Variants in PDGFC observed in about 807,000 individuals in gnomAD.
PDGFC encodes the protein platelet derived growth factor C.
In PDGFC, 12 loss-of-function variants were observed where a neutral mutation model predicts 35.5. The ratio of observed to expected loss-of-function variants is 0.34; its 90% confidence interval spans 0.22 to 0.55. PDGFC has a LOEUF of 0.55. Among genes scored for constraint, PDGFC ranks in the 20% least tolerant of loss-of-function variants. The pLI, the probability that PDGFC is intolerant of heterozygous loss-of-function variation, is 0.91. For missense variants in PDGFC, 322 were observed against 412.4 expected, an observed-to-expected ratio of 0.78 and a Z score of 1.90; for synonymous variants, 159 against 148.8, an observed-to-expected ratio of 1.07 and a Z score of -0.50.
chr4:156,872,697 C>T (rs933323214), intron 1 of PDGFC, among the ~76,000 whole-genome samples: 7 of 152,180 alleles, frequency 4.6e-5, no homozygotes, highest in Non-Finnish European at 1.0e-4. Flanking sequence ...GCTAATTCTG[C>T]TGAATAATCT....
At position 156,847,567 on chromosome 4, in the gene PDGFC, CAAACTGGAA is replaced by C. The variant is rs528680812; in HGVS notation, c.314+2645_314+2653del. On this transcript the variant is annotated intron_variant, in intron 2 of 5. Transcript: ENST00000502773. ...AAAGATCCTGAAACAGAAAAGGTGA[CAAACTGGAA>C]AAACTGCTGACATCCAAATAAGACC... 2.6e-3 allele frequency among the ~76,000 whole-genome samples: 392 copies of C among 151,884 alleles called. 3 individuals are homozygous for C. Among genetic ancestry groups the C allele is most frequent in the African/African-American group, 9.3e-3 (385 of 41,510 alleles).
chr4:156,962,765 G>T (rs1235556950), intron 1 of PDGFC, among the ~76,000 whole-genome samples: 1 of 152,118 alleles, frequency 6.6e-6, no homozygotes, highest in Non-Finnish European at 1.5e-5. Flanking sequence ...TGAAGCCCTG[G>T]TGTTTTTCCT....
At chr4:156,969,568 A>G (rs901940283) in intron 1 of PDGFC, among the ~76,000 whole-genome samples, 1 of 152,232 alleles carries the variant, frequency 6.6e-6, no homozygotes, top group African/African-American at 2.4e-5. Context: ...TTAAACATGA[A>G]CACTTCATAG....
chr4:156,825,712 T>C (rs1732449225), intron 2 of PDGFC, among the ~76,000 whole-genome samples: 1 of 151,512 alleles, frequency 6.6e-6, no homozygotes, highest in African/African-American at 2.4e-5. Flanking sequence ...TATAAGAAAC[T>C]TGTAGTTTAC....
chr4:156,962,184 C>A (rs147652522), intron 1 of PDGFC, among the ~76,000 whole-genome samples: 83 of 152,274 alleles, frequency 5.5e-4, no homozygotes, highest in African/African-American at 1.9e-3. Flanking sequence ...TCTAGGACAT[C>A]TTTCCACTTT....
intron 3 of PDGFC, among the ~76,000 whole-genome samples, chr4:156,810,155 A>G (rs1731892620): frequency 1.3e-5 from 2 of 151,818 alleles, no homozygotes; most frequent in East Asian, 1.9e-4. Flanking sequence ...TTTGTCTATC[A>G]TTAACATTTT....
chr4:156,897,290 T>TACAC (rs149168649), intron 1 of PDGFC, among the ~76,000 whole-genome samples: 107 of 148,624 alleles, frequency 7.2e-4, no homozygotes, highest in African/African-American at 2.5e-3. Context: ...TATAAATAAA[T>TACAC]ACACACACAC....
chr4:156,888,314 T>C lies in PDGFC; in HGVS notation c.119-37898A>G, dbSNP rs76383819. ...ATAAAAACAAAACTTCATATTATGGTGTCATTTAGAGTTACAATTAGCCAA... is the reference window on the plus strand; with the variant it reads ...ATAAAAACAAAACTTCATATTATGGCGTCATTTAGAGTTACAATTAGCCAA... On this transcript the variant is annotated intron_variant, in intron 1 of 5. Transcript: ENST00000502773. Among the ~76,000 whole-genome samples the C allele has an allele frequency of 9.4e-3, 1,433 of 152,284 alleles. 94 individuals carry two copies. In the East Asian group the frequency reaches 0.17, roughly 18 times the overall value.
At chr4:156,854,340 T>C (rs181615024) in intron 1 of PDGFC, among the ~76,000 whole-genome samples, 1 of 152,314 alleles carries the variant, frequency 6.6e-6, no homozygotes, top group African/African-American at 2.4e-5. Flanking sequence ...TCTTCAGTCA[T>C]AAAGCGCATG....
At chr4:156,901,152 T>G (rs1327553469) in intron 1 of PDGFC, among the ~76,000 whole-genome samples, 1 of 152,166 alleles carries the variant, frequency 6.6e-6, no homozygotes, top group African/African-American at 2.4e-5. Flanking sequence ...AATACTGATC[T>G]GAGACCCACC....
rs1579134709 is a variant in PDGFC at position 156,970,955 on chromosome 4, A to C, written c.-52T>G. 1.7e-6 allele frequency: 2 copies of C among 1,177,270 alleles called. No homozygotes were observed. The highest frequency in any genetic ancestry group is 1.3e-5 in the South Asian group (1 of 79,830). 72.9% of individuals were successfully genotyped at this position (1,177,270 alleles called of 1,614,324 possible). ...CACGGCGGGCACTTTGGAAGCAGCG[A>C]CTCCCGAGTCTCTTTCACCACCGCC... On this transcript the variant is annotated 5_prime_UTR_variant, in exon 1 of 6. Coordinates refer to ENST00000502773, the MANE Select transcript of PDGFC (RefSeq NM_016205.3).
chr4:156,800,644 TATGA>T (rs533730682), intron 3 of PDGFC, among the ~76,000 whole-genome samples: 2 of 152,300 alleles, frequency 1.3e-5, no homozygotes, highest in African/African-American at 4.8e-5. Flanking sequence ...GCCACGTTAT[TATGA>T]ATGAAGCAGG....
intron 1 of PDGFC, among the ~76,000 whole-genome samples, chr4:156,900,143 CA>C (rs1263636924): frequency 6.6e-6 from 1 of 152,166 alleles, no homozygotes; most frequent in Non-Finnish European, 1.5e-5. Flanking sequence ...CAACTAATCC[CA>C]ATCTCCAATC....
intron 1 of PDGFC, among the ~76,000 whole-genome samples, chr4:156,891,395 T>G (rs1014714220): frequency 6.7e-6 from 1 of 149,738 alleles, no homozygotes; most frequent in Non-Finnish European, 1.5e-5. Flanking sequence ...TTGACCAAAA[T>G]GTTGTTTTGC....
intron 1 of PDGFC, chr4:156,967,453 T>C (rs963280700): frequency 3.3e-5 from 5 of 152,122 alleles, no homozygotes; most frequent in African/African-American, 1.2e-4. Context: ...CTGATGTTAA[T>C]AAGACCAACC....
intron 1 of PDGFC, among the ~76,000 whole-genome samples, chr4:156,902,472 G>A (rs115196758): frequency 0.016 from 2,486 of 152,054 alleles, 75 homozygotes; most frequent in African/African-American, 0.057. Flanking sequence ...ATGTTTTTAT[G>A]TTAACTCTAA....
In PDGFC at chr4:156,971,080, G is replaced by C; in HGVS notation, c.-177C>G. On this transcript the variant is annotated 5_prime_UTR_variant, in exon 1 of 6. Coordinates refer to ENST00000502773, the MANE Select transcript of PDGFC (RefSeq NM_016205.3). Reference sequence around the variant, plus strand: ...ATCCCATCCAAAACTTTTTCCTAGAGCCCTCTTCTGTGTCTCCAGTTTTTG... The same window carrying C: ...ATCCCATCCAAAACTTTTTCCTAGACCCCTCTTCTGTGTCTCCAGTTTTTG... 1.7e-6 allele frequency: 1 copy of C among 572,860 alleles called. No homozygotes were observed. Among genetic ancestry groups the C allele is most frequent in the Non-Finnish European group, 3.1e-6 (1 of 320,444 alleles). The allele number at this position is 572,860 out of a possible 1,614,324, so 35.5% of individuals were successfully genotyped here.
intron 1 of PDGFC, among the ~76,000 whole-genome samples, chr4:156,907,810 GC>G (rs2110792654): frequency 6.6e-6 from 1 of 152,188 alleles, no homozygotes; most frequent in South Asian, 2.1e-4. Context: ...TGAAGCAGAT[GC>G]CCCCACACTC....
intron 1 of PDGFC, among the ~76,000 whole-genome samples, chr4:156,908,986 C>A (rs1730980323): frequency 1.3e-5 from 2 of 152,066 alleles, no homozygotes; most frequent in Non-Finnish European, 1.5e-5. Context: ...TCACAAAAGA[C>A]CACACATATA....
Sources: gnomAD v4.1 joint callset for allele counts (sites outside exome capture counted in the v4.1 genomes callset) on GRCh38, gnomAD v4.1.1 for gene constraint, MANE v1.5 for transcripts, NCBI Gene and HGNC (gene_info 2026-07-23, HGNC 2026-07-21) for gene names.